The following C13orf42 variants were observed in gnomAD, a reference collection of about 807,000 sequenced individuals.
C13orf42 encodes the protein uncharacterized protein C13orf42.
At chr13:51,164,985 T>C (rs767485911) in intron 1 of C13orf42, among the ~76,000 whole-genome samples, 4 of 152,220 alleles carry the variant, frequency 2.6e-5, no homozygotes, top group African/African-American at 9.6e-5. Context: ...CCACAGTCTT[T>C]AGCATATGAT....
upstream of C13orf42, among the ~76,000 whole-genome samples, chr13:51,114,380 T>G (rs1023911587): frequency 1.3e-5 from 2 of 152,190 alleles, no homozygotes; most frequent in Non-Finnish European, 2.9e-5. Flanking sequence ...GCCCTACATC[T>G]TCTCATTCCT....
intron 1 of C13orf42, among the ~76,000 whole-genome samples, chr13:51,166,573 C>T (rs1185659819): frequency 7.0e-6 from 1 of 143,404 alleles, no homozygotes; most frequent in African/African-American, 2.6e-5. Context: ...TGCACATGTA[C>T]CCTAAAACTT....
At chr13:51,146,193 A>T (rs201682877) in intron 1 of C13orf42, among the ~76,000 whole-genome samples, 1 of 151,486 alleles carries the variant, frequency 6.6e-6, no homozygotes, top group South Asian at 2.1e-4. Context: ...GGCACCCAAA[A>T]TTAACCTATT....
chr13:51,121,825 G>T (rs1298776864), intron 1 of C13orf42, among the ~76,000 whole-genome samples: 1 of 152,090 alleles, frequency 6.6e-6, no homozygotes, highest in Non-Finnish European at 1.5e-5. Context: ...GTGAGCCACC[G>T]CAACTGGCCT....
chr13:51,155,437 C>T (rs910642009), intron 1 of C13orf42, among the ~76,000 whole-genome samples: 6 of 152,196 alleles, frequency 3.9e-5, no homozygotes, highest in African/African-American at 1.4e-4. Flanking sequence ...GAATTTTGTT[C>T]CTTGAATTAC....
upstream of C13orf42, among the ~76,000 whole-genome samples, chr13:51,116,100 A>G (rs1424265290): frequency 1.3e-5 from 2 of 152,170 alleles, no homozygotes; most frequent in Non-Finnish European, 1.5e-5. Flanking sequence ...GTAAGCAAAC[A>G]TTAGATCCTC....
chr13:51,086,059 C>T (rs1011360987), intron 2 of C13orf42, among the ~76,000 whole-genome samples: 3 of 151,902 alleles, frequency 2.0e-5, no homozygotes, highest in Non-Finnish European at 2.9e-5. Flanking sequence ...GTAATCCCAA[C>T]ACTTTGGGAG....
chr13:51,166,364 A>G (rs1006467827), intron 1 of C13orf42, among the ~76,000 whole-genome samples: 1 of 145,942 alleles, frequency 6.9e-6, no homozygotes, highest in East Asian at 2.1e-4. Flanking sequence ...AACACCGCAT[A>G]TTCTCACTCA....
chr13:51,140,833 C>T (rs1397812894), intron 1 of C13orf42, among the ~76,000 whole-genome samples: 1 of 152,046 alleles, frequency 6.6e-6, no homozygotes, highest in Non-Finnish European at 1.5e-5. Context: ...AGCTGAGACC[C>T]ATCACTAGGT....
chr13:51,084,432 C>T (rs945045812), intron 3 of C13orf42, 107 bp from the exon 4 acceptor site: 308 of 396,656 alleles, frequency 7.8e-4, no homozygotes, highest in Admixed American at 5.7e-4. Flanking sequence ...CAGATTGCTG[C>T]CCTAGTCCTG....
At chr13:51,085,184 AAT>A (rs57050801) in intron 3 of C13orf42, 133 bp downstream of exon 3, 66,781 of 193,954 alleles carry the variant, frequency 0.34, 10,019 homozygotes, top group Admixed American at 0.42. Flanking sequence ...AGCAACAACA[AAT>A]ATATATATAT....
At chr13:51,087,118 G>A (rs952832476) in intron 2 of C13orf42, among the ~76,000 whole-genome samples, 1 of 152,228 alleles carries the variant, frequency 6.6e-6, no homozygotes, top group Admixed American at 6.5e-5. Flanking sequence ...GCAAGTCAAA[G>A]ATTAAACAAA....
chr13:51,097,276 A>G (rs114786671), intron 1 of C13orf42, among the ~76,000 whole-genome samples: 2,032 of 152,360 alleles, frequency 0.013, 35 homozygotes, highest in African/African-American at 0.042. Flanking sequence ...AGTTAGAGAT[A>G]GGCTTCCATT....
At chr13:51,137,371 T>C (rs1349665383) in intron 1 of C13orf42, among the ~76,000 whole-genome samples, 1 of 152,198 alleles carries the variant, frequency 6.6e-6, no homozygotes, top group South Asian at 2.1e-4. Context: ...AGTCACAGTC[T>C]GCATCTGTCT....
At chr13:51,155,697 C>T (rs1221724524) in intron 1 of C13orf42, among the ~76,000 whole-genome samples, 1 of 152,228 alleles carries the variant, frequency 6.6e-6, no homozygotes, top group African/African-American at 2.4e-5. Flanking sequence ...AGATGGAAAA[C>T]GGCTACCGCA....
chr13:51,138,575 A>G (rs1238269757), intron 1 of C13orf42, among the ~76,000 whole-genome samples: 1 of 152,236 alleles, frequency 6.6e-6, no homozygotes, highest in South Asian at 2.1e-4. Context: ...AAGAAAAGAA[A>G]AAACAAAGAC....
intron 1 of C13orf42, among the ~76,000 whole-genome samples, chr13:51,147,151 G>A (rs1294744187): frequency 6.6e-6 from 1 of 152,264 alleles, no homozygotes; most frequent in Non-Finnish European, 1.5e-5. Context: ...CTGCTGGGGT[G>A]TGGATGCTGC....
At chr13:51,162,127 C>A in intron 1 of C13orf42, 1 of 295,434 alleles carries the variant, frequency 3.4e-6, no homozygotes, top group South Asian at 4.1e-5. Context: ...CTATCATGTC[C>A]CATTCTATAT....
intron 1 of C13orf42, among the ~76,000 whole-genome samples, chr13:51,116,376 G>C (rs1051385799): frequency 6.6e-6 from 1 of 152,204 alleles, no homozygotes; most frequent in Non-Finnish European, 1.5e-5. Flanking sequence ...GGTCTTAAAG[G>C]CCAGTTCAAC....
Sources: allele counts gnomAD v4.1 joint callset (sites outside exome capture counted in the v4.1 genomes callset), GRCh38; gene constraint gnomAD v4.1.1; transcripts MANE v1.5; gene names NCBI Gene and HGNC (gene_info 2026-07-23, HGNC 2026-07-21).